The following ATXN8OS variants were observed in gnomAD, a reference collection of about 807,000 sequenced individuals.
ATXN8OS encodes the protein ATXN8 opposite strand lncRNA.
chr13:70,107,510 C>G (rs565048506), upstream of ATXN8OS: 9 of 1,611,496 alleles, frequency 5.6e-6, no homozygotes, highest in African/African-American at 1.2e-4. Context: ...GTGCTCACAC[C>G]GCTTCTCTCT....
At chr13:70,115,474 T>C (rs1419745985) in intron 2 of ATXN8OS, among the ~76,000 whole-genome samples, 1 of 152,166 alleles carries the variant, frequency 6.6e-6, no homozygotes, top group African/African-American at 2.4e-5. Flanking sequence ...CAAGTCTATA[T>C]GTATGTTTGT....
chr13:70,119,082 T>C (rs559428913), intron 2 of ATXN8OS, among the ~76,000 whole-genome samples: 16 of 152,156 alleles, frequency 1.1e-4, no homozygotes, highest in Admixed American at 6.6e-4. Flanking sequence ...CAGGGACATA[T>C]CTTGGCAGAA....
chr13:70,157,241 T>G (rs1208162034), intron 4 of ATXN8OS, among the ~76,000 whole-genome samples: 5 of 152,200 alleles, frequency 3.3e-5, no homozygotes, highest in Non-Finnish European at 7.4e-5. Context: ...TTACATGAAC[T>G]ATATCTATTA....
chr13:70,119,237 A>G (rs565125521), intron 2 of ATXN8OS, among the ~76,000 whole-genome samples: 22 of 152,282 alleles, frequency 1.4e-4, no homozygotes, highest in African/African-American at 4.8e-4. Flanking sequence ...ACTTACAAAA[A>G]TGAGGTCAGA....
chr13:70,148,994 A>G (rs968338106), intron 4 of ATXN8OS, among the ~76,000 whole-genome samples: 2 of 152,166 alleles, frequency 1.3e-5, no homozygotes, highest in Non-Finnish European at 2.9e-5. Flanking sequence ...CTAATAAAAG[A>G]ATGAAAAGAA....
intron 4 of ATXN8OS, among the ~76,000 whole-genome samples, chr13:70,153,813 A>G (rs1351781551): frequency 6.6e-6 from 1 of 151,888 alleles, no homozygotes; most frequent in Non-Finnish European, 1.5e-5. Context: ...CCAAGCAGCT[A>G]GGACCACAGG....
intron 4 of ATXN8OS, among the ~76,000 whole-genome samples, chr13:70,153,836 C>T (rs888753109): frequency 1.3e-5 from 2 of 152,054 alleles, no homozygotes; most frequent in African/African-American, 4.8e-5. Context: ...CCTGCCACTA[C>T]ACCTGTCCAA....
At chr13:70,126,401 G>A (rs1315838802) in intron 2 of ATXN8OS, among the ~76,000 whole-genome samples, 1 of 152,042 alleles carries the variant, frequency 6.6e-6, no homozygotes, top group Admixed American at 6.6e-5. Context: ...TGGGTAAGGT[G>A]CTTAATCTGA....
intron 3 of ATXN8OS, among the ~76,000 whole-genome samples, chr13:70,145,667 T>A (rs1311112309): frequency 2.6e-5 from 4 of 152,132 alleles, no homozygotes; most frequent in African/African-American, 9.7e-5. Context: ...GTTATTGTTG[T>A]ATAAGAATGC....
intron 2 of ATXN8OS, chr13:70,115,399 G>C (rs527284511): frequency 5.1e-6 from 2 of 395,922 alleles, no homozygotes; most frequent in African/African-American, 4.1e-5. Flanking sequence ...GTGGCATTAG[G>C]GATTAAGTTT....
intron 3 of ATXN8OS, chr13:70,139,200 C>G: frequency 2.3e-6 from 1 of 435,544 alleles, no homozygotes; most frequent in Non-Finnish European, 4.1e-6. Context: ...TAGTCTGTGT[C>G]TGATATTCTC....
At chr13:70,138,426 A>C (rs570460742) in intron 3 of ATXN8OS, among the ~76,000 whole-genome samples, 38 of 152,276 alleles carry the variant, frequency 2.5e-4, no homozygotes, top group African/African-American at 8.9e-4. Flanking sequence ...TAAAGCTGAA[A>C]ATTTTAAAAT....
intron 3 of ATXN8OS, among the ~76,000 whole-genome samples, chr13:70,145,436 T>C (rs1490682263): frequency 5.9e-5 from 9 of 151,864 alleles, no homozygotes; most frequent in Non-Finnish European, 1.5e-5. Flanking sequence ...ATAAATTACC[T>C]TGGGCAGTAT....
chr13:70,150,277 C>G (rs1308768873), intron 4 of ATXN8OS, among the ~76,000 whole-genome samples: 2 of 151,970 alleles, frequency 1.3e-5, no homozygotes, highest in Non-Finnish European at 2.9e-5. Context: ...AAGATAATAT[C>G]AAGAGTGGAG....
chr13:70,169,501 A>G (rs373305087), intron 4 of ATXN8OS, among the ~76,000 whole-genome samples: 328 of 152,120 alleles, frequency 2.2e-3, no homozygotes, highest in African/African-American at 7.3e-3. Context: ...TCACCATGTT[A>G]GCCAGGCTGG....
chr13:70,107,784 G>A (rs1004169851), exon 1 of ATXN8OS: 11 of 1,089,348 alleles, frequency 1.0e-5, no homozygotes, highest in South Asian at 1.7e-5. Flanking sequence ...GGGCCCGGGG[G>A]CGGAGGAAGA....
chr13:70,141,697 AG>A (rs1267319562), intron 3 of ATXN8OS, among the ~76,000 whole-genome samples: 12 of 152,158 alleles, frequency 7.9e-5, no homozygotes, highest in African/African-American at 2.4e-4. Flanking sequence ...ACTCCAAAAA[AG>A]CCAGGAAACT....
chr13:70,159,207 A>T (rs1029952904), intron 4 of ATXN8OS, among the ~76,000 whole-genome samples: 1 of 148,472 alleles, frequency 6.7e-6, no homozygotes, highest in Non-Finnish European at 1.5e-5. Flanking sequence ...CTCACTTTTT[A>T]TTACACATAT....
rs79048760 is a variant in ATXN8OS at position 70,137,227 on chromosome 13, C to A, written n.499+7343C>A. On this transcript the variant is annotated intron_variant and non_coding_transcript_variant, in intron 3 of 4. Transcript: ENST00000678624. Reference sequence around the variant, plus strand: ...AAACAATTTTAAAATTCAGCGGAATCGCTCCTTAATGCAATTAAGATGTTT... The same window carrying A: ...AAACAATTTTAAAATTCAGCGGAATAGCTCCTTAATGCAATTAAGATGTTT... 7.9e-4 allele frequency among the ~76,000 whole-genome samples: 121 copies of A among 152,262 alleles called. No homozygotes were observed. The East Asian group carries it at 0.022, about 28-fold the overall frequency.
Sources: allele counts gnomAD v4.1 joint callset (sites outside exome capture counted in the v4.1 genomes callset), GRCh38; gene constraint gnomAD v4.1.1; transcripts MANE v1.5; gene names NCBI Gene and HGNC (gene_info 2026-07-23, HGNC 2026-07-21).